The following WDR11 variants were observed in gnomAD, a reference collection of about 807,000 sequenced individuals.
The protein encoded by WDR11 is WD repeat-containing protein 11.
Under a neutral mutation model 151.2 loss-of-function variants are expected in WDR11, and 83 were observed. That is an observed-to-expected ratio of 0.55 (90% CI 0.46 to 0.66). The LOEUF (loss-of-function observed/expected upper bound fraction) is 0.66, where lower values mean the gene tolerates loss of function less well. Among genes scored for constraint, WDR11 ranks in the 30% least tolerant of loss-of-function variants. The pLI, the probability that WDR11 is intolerant of heterozygous loss-of-function variation, is 0.00. For synonymous variants in WDR11, 484 were observed against 533.1 expected (o/e 0.91, Z 1.27); for missense variants, 1,301 against 1,480.9 (o/e 0.88, Z 1.99).
In WDR11 at chr10:120,909,388, T is replaced by TTGAAGTCTTTCTTTGTACTTTAA. The variant is rs1173241866; in HGVS notation, c.*678_*700dup. ...ATGATACATCACAGTAACCTCATTTTTGAAGTCTTTCTTTGTACTTTAATG... is the reference window on the plus strand; with the variant it reads ...ATGATACATCACAGTAACCTCATTTTTGAAGTCTTTCTTTGTACTTTAATGAAGTCTTTCTTTGTACTTTAATG... On this transcript the variant is annotated 3_prime_UTR_variant, in exon 29 of 29. Coordinates refer to ENST00000263461, the MANE Select transcript of WDR11 (RefSeq NM_018117.12). 2.0e-5 allele frequency: 3 copies of TTGAAGTCTTTCTTTGTACTTTAA among 152,938 alleles called. No individual in the cohort carries two copies. Among genetic ancestry groups the TTGAAGTCTTTCTTTGTACTTTAA allele is most frequent in the African/African-American group, 7.2e-5 (3 of 41,472 alleles). 9.5% of individuals were successfully genotyped at this position (152,938 alleles called of 1,614,324 possible).
intron 2 of WDR11, among the ~76,000 whole-genome samples, chr10:120,855,919 G>C (rs1336603001): frequency 1.3e-5 from 2 of 152,136 alleles, no homozygotes; most frequent in East Asian, 3.9e-4. Context: ...GGATACTCTT[G>C]TCCTGTTCCT....
At chr10:120,886,630 ATGAG>A in intron 15 of WDR11, 55 bp from the exon 16 acceptor site, 1 of 1,586,780 alleles carries the variant, frequency 6.3e-7, no homozygotes, top group Non-Finnish European at 8.6e-7. Context: ...TTAATTAATT[ATGAG>A]TATCACTCTA....
intron 19 of WDR11, among the ~76,000 whole-genome samples, chr10:120,893,661 T>A (rs1459700678): frequency 1.3e-5 from 2 of 151,526 alleles, no homozygotes; most frequent in Non-Finnish European, 2.9e-5. Context: ...TTTCTCCACA[T>A]CCTCTCCAGC....
chr10:120,855,494 T>C (rs895147828), intron 2 of WDR11, among the ~76,000 whole-genome samples: 1 of 152,228 alleles, frequency 6.6e-6, no homozygotes, highest in African/African-American at 2.4e-5. Flanking sequence ...AACAAAACTT[T>C]TTCATTTTGA....
intron 27 of WDR11, chr10:120,906,523 T>G (rs1413034675): frequency 7.4e-7 from 1 of 1,356,950 alleles, no homozygotes; most frequent in African/African-American, 1.5e-5. Flanking sequence ...ACTTGTCATA[T>G]CTCTGTAGAT....
intron 22 of WDR11, 100 bp downstream of exon 22, chr10:120,902,422 G>T: frequency 2.0e-6 from 2 of 980,766 alleles, no homozygotes; most frequent in Non-Finnish European, 3.2e-6. Context: ...TTAGAAAAAT[G>T]TATCAGTTCA....
In WDR11 at chr10:120,905,361, C is replaced by T. The variant is rs1847994488; in HGVS notation, c.3236C>T (p.Ala1079Val). Residue 1079 changes from alanine to valine, a missense_variant, in exon 26 of 29, where the codon GCC (alanine) becomes GTC (valine). Physicochemically the swap from Ala to Val is moderately conservative, Grantham distance 64. Around this residue, in one of 3 missense-constraint regions of WDR11, gnomAD observed 589 missense variants for 670.6 expected, o/e 0.88. Transcript: ENST00000263461. ...LLCLIDKAAD[A>V]CRYLQTYGEW... ...TGCCTGATAGATAAGGCTGCAGACG[C>T]CTGCCGCTACCTGCAGACATACGGC... 9 of 1,614,024 alleles carry T rather than the reference C, an allele frequency of 5.6e-6. No individual in the cohort carries two copies. The highest frequency in any genetic ancestry group is 1.1e-5 in the South Asian group (1 of 91,080).
At chr10:120,886,353 G>GA (rs1847215977) in intron 15 of WDR11, among the ~76,000 whole-genome samples, 1 of 152,128 alleles carries the variant, frequency 6.6e-6, no homozygotes, top group Admixed American at 6.6e-5. Context: ...CAATCTTACA[G>GA]ATAAAAGGCT....
Position 120,909,485 on chromosome 10 carries a change from T to TAAC in WDR11, c.*773_*775dup, listed in dbSNP as rs996840561. On this transcript the variant is annotated 3_prime_UTR_variant, in exon 29 of 29. Transcript: ENST00000263461. ...CTGTTGCTGAAAACATAAATGTCTG[T>TAAC]AACTTACAAACATGATAAATAAATT... The TAAC allele has an allele frequency of 6.5e-6, 1 of 152,716 alleles. No homozygotes were observed. Among genetic ancestry groups the TAAC allele is most frequent in the African/African-American group, 2.4e-5 (1 of 41,470 alleles). 9.5% of individuals were successfully genotyped at this position (152,716 alleles called of 1,614,324 possible).
rs535090400 is a variant in WDR11, at chr10:120,888,928, C to G, written c.2122-150C>G. On this transcript the variant is annotated intron_variant, in intron 16 of 28. Coordinates refer to ENST00000263461, the MANE Select transcript of WDR11 (RefSeq NM_018117.12). The stretch of plus-strand genomic sequence containing the variant: ...GTTGAAATTGATAGGCAATGTAGCT[C>G]TTTGTTAGTGTCTAAAGTCTGTTTT... The G allele has an allele frequency of 1.1e-4, 68 of 610,626 alleles. No homozygotes were observed. In the East Asian group the frequency reaches 1.8e-3, roughly 16 times the overall value. 37.8% of individuals were successfully genotyped at this position (610,626 alleles called of 1,614,324 possible).
At chr10:120,856,341 G>A (rs542578201) in intron 2 of WDR11, among the ~76,000 whole-genome samples, 3 of 152,114 alleles carry the variant, frequency 2.0e-5, no homozygotes, top group South Asian at 2.1e-4. Flanking sequence ...CTGGGAGGCC[G>A]AGGTGGATGG....
In WDR11 at chr10:120,853,286, G is replaced by C. The variant is rs1369397593; in HGVS notation, c.198+651G>C. 2.7e-5 allele frequency among the ~76,000 whole-genome samples: 4 copies of C among 149,784 alleles called. No homozygotes were observed. The East Asian group carries it at 7.8e-4, about 29-fold the overall frequency. ...GGAGTTTGGATTTTTTTTTTTTTTA[G>C]ACAGAATCTCACTCTGTCGCCCAGG... On this transcript the variant is annotated intron_variant, in intron 2 of 28. Transcript: ENST00000263461.
chr10:120,859,488 C>T (rs1590057175), intron 3 of WDR11, among the ~76,000 whole-genome samples: 1 of 151,858 alleles, frequency 6.6e-6, no homozygotes, highest in African/African-American at 2.4e-5. Context: ...AGGATGGTCT[C>T]GATCTCCTGA....
chr10:120,854,678 T>C (rs1590050561), intron 2 of WDR11, among the ~76,000 whole-genome samples: 1 of 152,216 alleles, frequency 6.6e-6, no homozygotes, highest in East Asian at 1.9e-4. Context: ...TTCTTTTGAT[T>C]ATAACCATCC....
At chr10:120,889,404 AT>A in intron 17 of WDR11, 7 of 471,324 alleles carry the variant, frequency 1.5e-5, no homozygotes, top group East Asian at 4.3e-5. Flanking sequence ...CGCCCGGCTA[AT>A]TTTTTTGTAT....
intron 23 of WDR11, 131 bp downstream of exon 23, chr10:120,903,363 A>G: frequency 8.4e-7 from 1 of 1,185,372 alleles, no homozygotes; most frequent in Admixed American, 2.0e-5. Flanking sequence ...CTTGAAAATT[A>G]GCTGGGTGTG....
In WDR11 at chr10:120,879,004, T is replaced by A. The variant is rs985983895; in HGVS notation, c.1663+545T>A. The A allele has an allele frequency of 2.6e-5, 4 of 152,312 alleles. No individual in the cohort carries two copies. In the South Asian group the frequency reaches 8.3e-4, roughly 32 times the overall value. 9.4% of individuals were successfully genotyped at this position (152,312 alleles called of 1,614,324 possible). ...GAATTGAAAGCCTAAACCCAGTGAA[T>A]TTCAAAATAAAGAATTTGAAAATAT... On this transcript the variant is annotated intron_variant, in intron 12 of 28. Transcript: ENST00000263461.
chr10:120,903,369 G>A, intron 23 of WDR11, 137 bp downstream of exon 23: 1 of 1,113,152 alleles, frequency 9.0e-7, no homozygotes, highest in East Asian at 2.7e-5. Context: ...AATTAGCTGG[G>A]TGTGGTGGCA....
intron 1 of WDR11, 32 bp from the exon 2 acceptor site, chr10:120,852,492 G>A (rs1162184378): frequency 6.3e-7 from 1 of 1,586,934 alleles, no homozygotes; most frequent in African/African-American, 1.3e-5. Context: ...GCTTTGTTCT[G>A]TACTTAAACT....
Sources: gnomAD v4.1 joint callset for allele counts (sites outside exome capture counted in the v4.1 genomes callset) on GRCh38, gnomAD v4.1.1 for gene constraint, gnomAD v4.1.1 regional missense constraint, MANE v1.5 for transcripts, NCBI Gene and HGNC (gene_info 2026-07-23, HGNC 2026-07-21) for gene names.